SRD5A2: variants seen among roughly 807,000 people sequenced by gnomAD.
The protein encoded by SRD5A2 is steroid 5 alpha-reductase 2.
SRD5A2 carries 30 observed loss-of-function variants against 27.4 expected under a neutral mutation model. The ratio of observed to expected loss-of-function variants is 1.10; its 90% CI spans 0.82 to 1.49. SRD5A2 has a LOEUF of 1.49. Ranked by LOEUF, SRD5A2 falls within the 40% of genes most tolerant of loss-of-function variation. The pLI, the probability that SRD5A2 is intolerant of heterozygous loss-of-function variation, is 0.00. For missense variants in SRD5A2, 348 were observed against 323.4 expected, an observed-to-expected ratio of 1.08 and a Z score of -0.58; for synonymous variants, 141 against 133.6, an observed-to-expected ratio of 1.06 and a Z score of -0.38.
intron 1 of SRD5A2, among the ~76,000 whole-genome samples, chr2:31,568,073 C>T (rs1173065067): frequency 1.3e-5 from 2 of 152,142 alleles, no homozygotes; most frequent in Admixed American, 6.5e-5. Context: ...ACCAGATGTA[C>T]CCCAAGTGGC....
chr2:31,648,145 C>A, the SRD5A2 span, among the ~76,000 whole-genome samples: 1 of 152,146 alleles, frequency 6.6e-6, no homozygotes. Flanking sequence ...GAAGTGTTGA[C>A]TTGTCCATTA....
chr2:31,650,304 C>G, the SRD5A2 span, among the ~76,000 whole-genome samples: 3 of 151,932 alleles, frequency 2.0e-5, no homozygotes, highest in South Asian at 2.1e-4. Context: ...GCACCTCAAG[C>G]AAAAGAAAAA....
At chr2:31,612,554 G>A in the SRD5A2 span, among the ~76,000 whole-genome samples, 3 of 152,144 alleles carry the variant, frequency 2.0e-5, no homozygotes, top group African/African-American at 7.2e-5. Flanking sequence ...CATGTTCATG[G>A]ATTGGAAGAA....
At chr2:31,603,558 A>G in the SRD5A2 span, among the ~76,000 whole-genome samples, 2 of 152,044 alleles carry the variant, frequency 1.3e-5, no homozygotes, top group African/African-American at 4.8e-5. Flanking sequence ...TATCCAAAAG[A>G]ATATAAATCA....
the SRD5A2 span, among the ~76,000 whole-genome samples, chr2:31,602,447 A>T: frequency 2.0e-5 from 3 of 152,124 alleles, no homozygotes; most frequent in African/African-American, 7.2e-5. Flanking sequence ...GCTCATGGAT[A>T]GGAAGAATCA....
chr2:31,590,049 T>C, the SRD5A2 span, among the ~76,000 whole-genome samples: 2 of 152,000 alleles, frequency 1.3e-5, no homozygotes. Context: ...ATAATCCCCC[T>C]AGGAACATAA....
intron 1 of SRD5A2, among the ~76,000 whole-genome samples, chr2:31,555,279 T>C (rs1206976418): frequency 1.3e-5 from 2 of 152,104 alleles, no homozygotes; most frequent in African/African-American, 4.8e-5. Flanking sequence ...ATATTCATTC[T>C]CCCTTCTGAT....
At chr2:31,621,179 T>C in the SRD5A2 span, among the ~76,000 whole-genome samples, 2 of 151,906 alleles carry the variant, frequency 1.3e-5, no homozygotes, top group Non-Finnish European at 2.9e-5. Flanking sequence ...ATTATTGACA[T>C]TGATACAATC....
At chr2:31,646,051 A>G in the SRD5A2 span, among the ~76,000 whole-genome samples, 1 of 152,072 alleles carries the variant, frequency 6.6e-6, no homozygotes, top group Non-Finnish European at 1.5e-5. Context: ...TTCTAGGAAA[A>G]TTGTATTAAT....
the SRD5A2 span, among the ~76,000 whole-genome samples, chr2:31,631,457 C>G: frequency 6.6e-6 from 1 of 151,842 alleles, no homozygotes; most frequent in South Asian, 2.1e-4. Flanking sequence ...GTACTGGCAT[C>G]CCCTGTTTTT....
At chr2:31,627,266 T>C in the SRD5A2 span, among the ~76,000 whole-genome samples, 1 of 152,230 alleles carries the variant, frequency 6.6e-6, no homozygotes, top group East Asian at 1.9e-4. Flanking sequence ...CTGTTTATAA[T>C]AGAGTCTGAG....
At chr2:31,554,360 C>T (rs1288378675) in intron 1 of SRD5A2, among the ~76,000 whole-genome samples, 1 of 152,154 alleles carries the variant, frequency 6.6e-6, no homozygotes, top group African/African-American at 2.4e-5. Flanking sequence ...ACTTGCCCTA[C>T]CTAATAGCAA....
intron 1 of SRD5A2, among the ~76,000 whole-genome samples, chr2:31,535,378 C>A (rs997159277): frequency 2.0e-5 from 3 of 152,170 alleles, no homozygotes; most frequent in Non-Finnish European, 4.4e-5. Flanking sequence ...CACTTTCCCC[C>A]TTGGCAACAG....
chr2:31,591,128 A>C, the SRD5A2 span, among the ~76,000 whole-genome samples: 120,460 of 152,140 alleles, frequency 0.79, 48,081 homozygotes, highest in African/African-American at 0.87. Flanking sequence ...GCAAAAGAAA[A>C]TACCATCAGA....
chr2:31,627,438 G>GTT, the SRD5A2 span, among the ~76,000 whole-genome samples: 1 of 151,560 alleles, frequency 6.6e-6, no homozygotes, highest in African/African-American at 2.4e-5. Flanking sequence ...ACGGGGGTGT[G>GTT]TGTGTGTGTG....
chr2:31,640,338 T>G, the SRD5A2 span, among the ~76,000 whole-genome samples: 2 of 152,160 alleles, frequency 1.3e-5, no homozygotes, highest in Non-Finnish European at 2.9e-5. Context: ...CTTGTTAGGG[T>G]CAGTCACTGG....
the SRD5A2 span, among the ~76,000 whole-genome samples, chr2:31,641,187 C>T: frequency 1.3e-5 from 2 of 152,030 alleles, no homozygotes; most frequent in African/African-American, 2.4e-5. Flanking sequence ...CTCACATCAC[C>T]ATTTTGGAAG....
chr2:31,658,400 G>A, the SRD5A2 span, among the ~76,000 whole-genome samples: 1 of 151,810 alleles, frequency 6.6e-6, no homozygotes, highest in Non-Finnish European at 1.5e-5. Flanking sequence ...AGGGAATTGA[G>A]ACCAAAAAAC....
At chr2:31,594,140 A>G in the SRD5A2 span, among the ~76,000 whole-genome samples, 10 of 152,336 alleles carry the variant, frequency 6.6e-5, no homozygotes, top group Non-Finnish European at 1.3e-4. Context: ...GACACAATGA[A>G]AAATAAAAAA....
Sources: gnomAD v4.1 joint callset for allele counts (sites outside exome capture counted in the v4.1 genomes callset) on GRCh38, gnomAD v4.1.1 for gene constraint, MANE v1.5 for transcripts, NCBI Gene and HGNC (gene_info 2026-07-23, HGNC 2026-07-21) for gene names.